Variants in NECTIN2 observed in about 807,000 individuals in gnomAD.
NECTIN2 encodes nectin-2.
A neutral mutation model predicts 56.9 loss-of-function variants in NECTIN2; 23 were observed. That is an observed-to-expected ratio of 0.40 (90% CI 0.29 to 0.57). The LOEUF is 0.57. NECTIN2 is among the 20% of genes least tolerant of loss of function. NECTIN2 has a pLI of 0.38. For missense variants in NECTIN2, 587 were observed against 718.3 expected (o/e 0.82, Z 2.09); for synonymous variants, 302 against 313.8 (o/e 0.96, Z 0.40).
At chr19:44,877,781 G>A (rs889990124) in intron 5 of NECTIN2, among the ~76,000 whole-genome samples, 10 of 152,170 alleles carry the variant, frequency 6.6e-5, no homozygotes, top group African/African-American at 2.4e-4. Context: ...GTGACCGGGC[G>A]GCCAGATCTA....
chr19:44,888,109 G>C lies in NECTIN2; in HGVS notation c.1348-1G>C, dbSNP rs1568601979. On this transcript the variant is annotated splice_acceptor_variant, in intron 8 of 8. Coordinates refer to ENST00000252483, the MANE Select transcript of NECTIN2 (RefSeq NM_001042724.2). LOFTEE classifies it high-confidence loss of function. ...AGTTCCTGTCCTCTCTCTACCTCCAGGAAATGCCTCGATACCATGAGCTGC... is the reference window on the plus strand; with the variant it reads ...AGTTCCTGTCCTCTCTCTACCTCCACGAAATGCCTCGATACCATGAGCTGC... 4 of 1,610,334 alleles carry C rather than the reference G, an allele frequency of 2.5e-6. No homozygotes were observed. Among genetic ancestry groups the C allele is most frequent in the Non-Finnish European group, 3.4e-6 (4 of 1,177,110 alleles).
At chr19:44,878,543 C>G in intron 5 of NECTIN2, 2 of 1,613,974 alleles carry the variant, frequency 1.2e-6, no homozygotes, top group African/African-American at 2.7e-5. Flanking sequence ...CATGTTGCCT[C>G]CACCCCCAGC....
chr19:44,870,482 A>G (rs4081918), intron 2 of NECTIN2, among the ~76,000 whole-genome samples: 21,552 of 152,106 alleles, frequency 0.14, 1,843 homozygotes, highest in African/African-American at 0.24. Flanking sequence ...GACACACATC[A>G]TAAGCATGAG....
intron 1 of NECTIN2, among the ~76,000 whole-genome samples, chr19:44,852,512 G>A (rs1307810843): frequency 7.0e-6 from 1 of 141,876 alleles, no homozygotes; most frequent in African/African-American, 2.6e-5. Context: ...CCGAGACAGA[G>A]CAAGACTCCG....
At chr19:44,850,846 G>A (rs907183516) in intron 1 of NECTIN2, among the ~76,000 whole-genome samples, 1 of 152,104 alleles carries the variant, frequency 6.6e-6, no homozygotes, top group African/African-American at 2.4e-5. Flanking sequence ...AGCAGCTGAG[G>A]CCAGTACTCA....
Position 44,871,835 on chromosome 19 carries a change from CT to C in NECTIN2, c.479-17del. 6.2e-7 allele frequency: 1 copy of C among 1,607,404 alleles called. No homozygotes were observed. Among genetic ancestry groups the C allele is most frequent in the Non-Finnish European group, 8.5e-7 (1 of 1,174,786 alleles). ...CTGCCGGTGAGGAGTGACGCACCCC[CT>C]CTCCTCCTCTCCCCAGCCAAGCCCA... On this transcript the variant is annotated splice_polypyrimidine_tract_variant and intron_variant, in intron 2 of 8. Coordinates refer to ENST00000252483, the MANE Select transcript of NECTIN2 (RefSeq NM_001042724.2).
chr19:44,870,551 G>T (rs1480202929), intron 2 of NECTIN2, among the ~76,000 whole-genome samples: 1 of 151,388 alleles, frequency 6.6e-6, no homozygotes, highest in Non-Finnish European at 1.5e-5. Context: ...CCAAGAGAAT[G>T]AGGTGGAAAG....
At position 44,848,890 on chromosome 19, in the gene NECTIN2, C is replaced by A. The variant is rs577975499; in HGVS notation, c.88+2277C>A. 3.3e-5 allele frequency among the ~76,000 whole-genome samples: 5 copies of A among 152,180 alleles called. No individual in the cohort carries two copies. In the South Asian group the frequency reaches 1.0e-3, roughly 32 times the overall value. On this transcript the variant is annotated intron_variant, in intron 1 of 8. Coordinates refer to ENST00000252483, the MANE Select transcript of NECTIN2 (RefSeq NM_001042724.2). ...GCCTCCTCGGGGAATGCGGGTGCAC[C>A]ACCTGGGCCCCCAGCTGGGCCGGCT...
chr19:44,863,484 A>C (rs1445177169), intron 1 of NECTIN2, among the ~76,000 whole-genome samples: 1 of 152,166 alleles, frequency 6.6e-6, no homozygotes, highest in African/African-American at 2.4e-5. Flanking sequence ...CAGGTGATAG[A>C]TATGCTAAAA....
intron 1 of NECTIN2, among the ~76,000 whole-genome samples, chr19:44,852,869 C>G (rs1487821109): frequency 2.6e-5 from 4 of 152,154 alleles, no homozygotes; most frequent in African/African-American, 4.8e-5. Context: ...CTTTGGGAGG[C>G]CAAGGCAAGA....
intron 6 of NECTIN2, 46 bp downstream of exon 6, chr19:44,882,410 C>T: frequency 8.2e-6 from 11 of 1,344,006 alleles, no homozygotes; most frequent in Non-Finnish European, 1.1e-5. Context: ...GGTCGAAGAA[C>T]TGAGGAGTAT....
intron 1 of NECTIN2, among the ~76,000 whole-genome samples, chr19:44,862,873 G>A (rs1269730334): frequency 6.6e-6 from 1 of 151,926 alleles, no homozygotes; most frequent in East Asian, 1.9e-4. Flanking sequence ...AAATTGGCCG[G>A]GCGCGGTGGC....
intron 6 of NECTIN2, among the ~76,000 whole-genome samples, chr19:44,884,794 C>T (rs904486658): frequency 9.9e-5 from 15 of 152,102 alleles, no homozygotes; most frequent in African/African-American, 3.4e-4. Flanking sequence ...CAGAATGCAT[C>T]GTAAGCACCT....
At chr19:44,861,358 A>G (rs1230886374) in intron 1 of NECTIN2, among the ~76,000 whole-genome samples, 1 of 152,234 alleles carries the variant, frequency 6.6e-6, no homozygotes, top group East Asian at 1.9e-4. Flanking sequence ...TGTTTATTGC[A>G]GCACTATCCA....
chr19:44,850,373 G>A (rs1968885827), intron 1 of NECTIN2, among the ~76,000 whole-genome samples: 1 of 152,076 alleles, frequency 6.6e-6, no homozygotes, highest in Non-Finnish European at 1.5e-5. Context: ...AGCCAGGCAT[G>A]GTGACTCATG....
At position 44,865,814 on chromosome 19, in the gene NECTIN2, G is replaced by T. The variant is rs1248139047; in HGVS notation, c.478+154G>T. ...CAAATGTTCATTAAGCACCTACCGC[G>T]TGCCAGATGCTTTTCTGTGTGCTGA... is the stretch of plus-strand genomic sequence containing the variant. On this transcript the variant is annotated intron_variant, in intron 2 of 8. Transcript: ENST00000252483. The surrounding 1 kb of genome is among the most constrained non-coding windows in gnomAD (Gnocchi z 5.2). Among the ~76,000 whole-genome samples the T allele has an allele frequency of 6.6e-6, 1 of 152,162 alleles. No individual in the cohort carries two copies. Among genetic ancestry groups the T allele is most frequent in the African/African-American group, 2.4e-5 (1 of 41,432 alleles).
intron 1 of NECTIN2, among the ~76,000 whole-genome samples, chr19:44,847,325 A>G (rs577842210): frequency 6.6e-6 from 1 of 152,214 alleles, no homozygotes; most frequent in Admixed American, 6.5e-5. Flanking sequence ...CGCTAAGTCT[A>G]ACTGGGATCT....
intron 8 of NECTIN2, among the ~76,000 whole-genome samples, chr19:44,887,783 G>A (rs111661197): frequency 2.0e-5 from 3 of 152,284 alleles, no homozygotes; most frequent in South Asian, 2.1e-4. Flanking sequence ...CTGAGGTTGC[G>A]CTCAAGGTTC....
chr19:44,851,274 C>G (rs1458352751), intron 1 of NECTIN2, among the ~76,000 whole-genome samples: 1 of 151,482 alleles, frequency 6.6e-6, no homozygotes, highest in African/African-American at 2.4e-5. Flanking sequence ...AGTCCAGGCC[C>G]TTAGTCCCTC....
Sources: allele counts gnomAD v4.1 joint callset (sites outside exome capture counted in the v4.1 genomes callset), GRCh38; gene constraint gnomAD v4.1.1; non-coding constraint Gnocchi (gnomAD v3.1); transcripts MANE v1.5; gene names NCBI Gene and HGNC (gene_info 2026-07-23, HGNC 2026-07-21).